The following MACC1 variants were observed in gnomAD, a reference collection of about 807,000 sequenced individuals.
The protein encoded by MACC1 is metastasis-associated in colon cancer protein 1.
Under a neutral mutation model 70.7 loss-of-function variants are expected in MACC1, and 79 were observed. The ratio of observed to expected loss-of-function variants is 1.12; its 90% confidence interval spans 0.93 to 1.35. MACC1 has a LOEUF of 1.35. Ranked by LOEUF, MACC1 falls within the 40% of genes most tolerant of loss-of-function variation. MACC1 has a pLI of 0.00. For missense variants in MACC1, 1,106 were observed against 978.1 expected (o/e 1.13, Z -1.74); for synonymous variants, 361 against 347.2 (o/e 1.04, Z -0.44).
intron 1 of MACC1, among the ~76,000 whole-genome samples, chr7:20,199,370 T>C (rs112816872): frequency 1.6e-4 from 24 of 152,378 alleles, no homozygotes; most frequent in African/African-American, 5.8e-4. Context: ...GCCAAAGCTA[T>C]CTAAAGCAAT....
chr7:20,166,332 T>C (rs1434172508), intron 2 of MACC1, among the ~76,000 whole-genome samples: 1 of 152,192 alleles, frequency 6.6e-6, no homozygotes, highest in Non-Finnish European at 1.5e-5. Context: ...ATTGTATTAC[T>C]TGTAAATGCA....
chr7:20,208,131 G>A (rs1782940039), intron 1 of MACC1, among the ~76,000 whole-genome samples: 1 of 152,174 alleles, frequency 6.6e-6, no homozygotes, highest in Non-Finnish European at 1.5e-5. Context: ...ATGCAGAACT[G>A]TGAGTCAATT....
chr7:20,158,499 T>G lies in MACC1; in HGVS notation c.1862A>C (p.Gln621Pro). 1.2e-6 allele frequency: 2 copies of G among 1,614,116 alleles called. No individual in the cohort carries two copies. The highest frequency in any genetic ancestry group is 4.5e-5 in the East Asian group (2 of 44,866). ...GACACTATCTGACATAAACATTACT[T>G]GCTCCTTTGAAATCACCTTGACATT... ...CKNVKVISKE[Q>P]VMFMSDSVFT... The change falls in exon 5 of 7, where the codon CAA (glutamine) becomes CCA (proline). Residue 621 changes from glutamine to proline, a missense_variant. Gln to Pro is a moderately conservative substitution (Grantham distance 76). Coordinates refer to ENST00000400331, the MANE Select transcript of MACC1 (RefSeq NM_182762.4).
chr7:20,161,650 C>T, intron 4 of MACC1, 98 bp downstream of exon 4: 2 of 705,454 alleles, frequency 2.8e-6, no homozygotes, highest in South Asian at 2.0e-5. Context: ...TAATTCTTTT[C>T]ATCTTCCAGC....
chr7:20,168,509 C>T (rs755923707), intron 2 of MACC1, among the ~76,000 whole-genome samples: 2 of 152,150 alleles, frequency 1.3e-5, no homozygotes, highest in East Asian at 1.9e-4. Flanking sequence ...ACAGCAGCAC[C>T]AGCAATACCT....
chr7:20,196,012 C>T (rs190966937), intron 1 of MACC1, among the ~76,000 whole-genome samples: 60 of 152,060 alleles, frequency 3.9e-4, no homozygotes, highest in African/African-American at 1.4e-3. Flanking sequence ...TGGGGTGTAA[C>T]AAAGCGTTTC....
At chr7:20,165,540 A>AC (rs953833946) in intron 2 of MACC1, among the ~76,000 whole-genome samples, 1 of 151,592 alleles carries the variant, frequency 6.6e-6, no homozygotes, top group African/African-American at 2.4e-5. Context: ...TATAGGGGAA[A>AC]AAAAAAAATC....
At chr7:20,208,564 T>C (rs1782948872) in intron 1 of MACC1, among the ~76,000 whole-genome samples, 1 of 152,126 alleles carries the variant, frequency 6.6e-6, no homozygotes, top group South Asian at 2.1e-4. Flanking sequence ...TAATTTAGGG[T>C]ATCTAGCAGA....
Position 20,136,536 on chromosome 7 carries a change from T to G in MACC1, c.*4410A>C, listed in dbSNP as rs1457327093. The G allele has an allele frequency of 6.6e-6, 1 of 152,222 alleles. No homozygotes were observed. The highest frequency in any genetic ancestry group is 1.5e-5 in the Non-Finnish European group (1 of 68,032). 9.4% of individuals were successfully genotyped at this position (152,222 alleles called of 1,614,324 possible). A position where few individuals can be genotyped will look rare whatever the true frequency, so the allele number is the denominator to read the frequency against. On this transcript the variant is annotated 3_prime_UTR_variant, in exon 7 of 7. Transcript: ENST00000400331. ...CTTGATGCTGAACATCAGATACATT[T>G]CAGATGCTGTATGTGTACAAATTCA...
intron 1 of MACC1, among the ~76,000 whole-genome samples, chr7:20,216,449 C>A (rs574591567): frequency 6.6e-6 from 1 of 152,112 alleles, no homozygotes; most frequent in African/African-American, 2.4e-5. Context: ...ATTGTACAGT[C>A]TCCAAGTGTT....
At chr7:20,183,545 T>C (rs370471030) in intron 1 of MACC1, among the ~76,000 whole-genome samples, 4 of 152,310 alleles carry the variant, frequency 2.6e-5, no homozygotes, top group Non-Finnish European at 2.9e-5. Flanking sequence ...TAAGTTTAAA[T>C]GGTAATTTGT....
rs28637443 is a variant in MACC1, at chr7:20,159,293, C to G, written c.1068G>C (p.Pro356=). ...LVVAAQAKAL[P]SPAATIWDYI... is the part of the protein sequence containing the mutation. ...AATCCCAAATGGTGGCAGCTGGTGA[C>G]GGAAGAGCTTTAGCTTGTGCAGCAA... The change falls in exon 5 of 7, where the codon CCG becomes CCC. Residue 356 remains proline, a synonymous_variant. Transcript: ENST00000400331. The G allele has an allele frequency of 1.1e-5, 17 of 1,614,022 alleles. No individual in the cohort carries two copies. Among genetic ancestry groups the G allele is most frequent in the Admixed American group, 1.7e-5 (1 of 59,982 alleles).
At chr7:20,142,713 G>A (rs10275612) in intron 6 of MACC1, among the ~76,000 whole-genome samples, 102,202 of 152,032 alleles carry the variant, frequency 0.67, 35,270 homozygotes, top group East Asian at 0.86. Context: ...CTTGGTTGTC[G>A]CTGCTCAGTT....
intron 1 of MACC1, among the ~76,000 whole-genome samples, chr7:20,172,494 T>TAC (rs1782324006): frequency 6.6e-6 from 1 of 152,158 alleles, no homozygotes; most frequent in Non-Finnish European, 1.5e-5. Flanking sequence ...CACATATATA[T>TAC]ACACACATAT....
intron 1 of MACC1, among the ~76,000 whole-genome samples, chr7:20,186,205 A>G (rs371465169): frequency 6.6e-6 from 1 of 152,176 alleles, no homozygotes; most frequent in African/African-American, 2.4e-5. Flanking sequence ...ACCTCTTATA[A>G]TCTAAAATCA....
intron 1 of MACC1, among the ~76,000 whole-genome samples, chr7:20,187,221 T>G (rs1206950881): frequency 2.6e-5 from 4 of 152,196 alleles, no homozygotes; most frequent in South Asian, 2.1e-4. Flanking sequence ...TATTTCATAT[T>G]AAGATATTAT....
At chr7:20,146,175 T>A (rs530899524) in intron 6 of MACC1, among the ~76,000 whole-genome samples, 2 of 151,712 alleles carry the variant, frequency 1.3e-5, no homozygotes, top group East Asian at 3.9e-4. Flanking sequence ...AGTAAATCTC[T>A]ATTTGAGCTT....
In MACC1 at chr7:20,138,465, G is replaced by A. The variant is rs1387657029; in HGVS notation, c.*2481C>T. 1 of 152,016 alleles carries A rather than the reference G, an allele frequency of 6.6e-6. No individual in the cohort carries two copies. The highest frequency in any genetic ancestry group is 2.4e-5 in the African/African-American group (1 of 41,372). 9.4% of individuals were successfully genotyped at this position (152,016 alleles called of 1,614,324 possible). Reference sequence around the variant, plus strand: ...ATCCCTTCCCAAAATTCTCTGGTTAGCTGACATGTTAATAAGATTCCAAGA... The same window carrying A: ...ATCCCTTCCCAAAATTCTCTGGTTAACTGACATGTTAATAAGATTCCAAGA... On this transcript the variant is annotated 3_prime_UTR_variant, in exon 7 of 7. Coordinates refer to ENST00000400331, the MANE Select transcript of MACC1 (RefSeq NM_182762.4).
intron 1 of MACC1, among the ~76,000 whole-genome samples, chr7:20,204,718 A>G (rs1259771507): frequency 1.3e-5 from 2 of 152,232 alleles, no homozygotes; most frequent in Non-Finnish European, 2.9e-5. Flanking sequence ...AATAGGTTGA[A>G]TTACAGGCAT....
Sources: gnomAD v4.1 joint callset for allele counts (sites outside exome capture counted in the v4.1 genomes callset) on GRCh38, gnomAD v4.1.1 for gene constraint, MANE v1.5 for transcripts, NCBI Gene and HGNC (gene_info 2026-07-23, HGNC 2026-07-21) for gene names.